The following LNX1 variants were observed in gnomAD, a reference collection of about 807,000 sequenced individuals.
LNX1 encodes the protein E3 ubiquitin-protein ligase LNX.
A neutral mutation model predicts 68.4 loss-of-function variants in LNX1; 54 were observed. The ratio of observed to expected loss-of-function variants is 0.79; its 90% CI spans 0.63 to 0.99. The LOEUF is 0.99. LNX1 is among the 50% of genes least tolerant of loss of function. The pLI is 0.00. For missense variants in LNX1, 906 were observed against 926.4 expected (o/e 0.98, Z 0.29); for synonymous variants, 336 against 350.0 (o/e 0.96, Z 0.45).
chr4:53,461,522 C>T lies in LNX1; in HGVS notation c.1964G>A (p.Gly655Glu), dbSNP rs545650658. The T allele has an allele frequency of 3.6e-5, 58 of 1,611,428 alleles. No homozygotes were observed. In the South Asian group the frequency reaches 6.3e-4, roughly 17 times the overall value. Residue 655 changes from glycine (G) to glutamate (E), a missense_variant, in exon 10 of 11, where the codon GGA (glycine) becomes GAA (glutamate). Transcript: ENST00000263925. ...TAGSLGFCIV[G>E]GYEEYNGNKP... is the part of the protein sequence containing the mutation. ...GTTTCCATTGTATTCTTCATAACCT[C>T]CTACAATGCAGAAGCCCAGACTTCC...
In LNX1 at chr4:53,501,326, T is replaced by A. The variant is rs187004406; in HGVS notation, c.776-2483A>T. Among the ~76,000 whole-genome samples, 6 of 139,386 alleles carry A rather than the reference T, an allele frequency of 4.3e-5. No individual in the cohort carries two copies. In the East Asian group the frequency reaches 1.3e-3, roughly 30 times the overall value. The allele number at this position is 139,386 out of a possible 152,430, so 91.4% of individuals were successfully genotyped here. A position where few individuals can be genotyped will look rare whatever the true frequency, so the allele number is the denominator to read the frequency against. On this transcript the variant is annotated intron_variant, in intron 4 of 10. Transcript: ENST00000263925. ...GGGGTGGGGGGACAGGATCTCACTC[T>A]GTCACCCAGGCTGGAGTATAGTGGT...
At chr4:53,568,384 A>T (rs998711938) in intron 2 of LNX1, among the ~76,000 whole-genome samples, 2 of 152,010 alleles carry the variant, frequency 1.3e-5, no homozygotes, top group African/African-American at 4.8e-5. Context: ...AAACAGAGCC[A>T]AAGACAAAAA....
chr4:53,516,352 G>T (rs1726784686), intron 2 of LNX1, among the ~76,000 whole-genome samples: 1 of 152,184 alleles, frequency 6.6e-6, no homozygotes, highest in South Asian at 2.1e-4. Context: ...CATAATGTTA[G>T]ACACTGTGGA....
At chr4:53,568,643 T>A (rs1730901442) in intron 2 of LNX1, among the ~76,000 whole-genome samples, 1 of 150,868 alleles carries the variant, frequency 6.6e-6, no homozygotes, top group Non-Finnish European at 1.5e-5. Flanking sequence ...TTCAACATAG[T>A]GTTGGAAGTT....
intron 2 of LNX1, among the ~76,000 whole-genome samples, chr4:53,609,751 A>G (rs1733400220): frequency 7.0e-6 from 1 of 143,478 alleles, no homozygotes; most frequent in Non-Finnish European, 1.5e-5. Context: ...TATATATTAT[A>G]TATAATATAC....
chr4:53,612,192 T>C (rs773792164), intron 2 of LNX1, among the ~76,000 whole-genome samples: 3 of 152,194 alleles, frequency 2.0e-5, no homozygotes, highest in Non-Finnish European at 4.4e-5. Context: ...TATGACTTTA[T>C]ACCCACCAGA....
In LNX1 at chr4:53,496,339, C is replaced by T. The variant is rs147629162; in HGVS notation, c.1034G>A (p.Arg345Gln). The change falls in exon 6 of 11, where the codon CGG becomes CAG. Residue 345 changes from arginine (R) to glutamine (Q), a missense_variant. Arg to Gln is a conservative substitution (Grantham distance 43, BLOSUM62 1). Transcript: ENST00000263925. ...VPHNYAVRLL[R>Q]QPCQVLWLTV... ...CAGCCACAGCACCTGGCAGGGCTGC[C>T]GCAGGAGACGCACAGCGTAGTTGTG... 41 of 1,614,122 alleles carry T rather than the reference C, an allele frequency of 2.5e-5. No homozygotes were observed. Among genetic ancestry groups the T allele is most frequent in the East Asian group, 1.6e-4 (7 of 44,872 alleles).
Position 53,507,440 on chromosome 4 carries a change from T to G in LNX1, c.652A>C (p.Ser218Arg). The G allele has an allele frequency of 6.2e-7, 1 of 1,614,190 alleles. No individual in the cohort carries two copies. Among genetic ancestry groups the G allele is most frequent in the Non-Finnish European group, 8.5e-7 (1 of 1,180,018 alleles). ...CGATTTATTTTTTTAAATGATCTGC[T>G]TCTAATAGTGGATCTCTCAAAGGGC... ...ARPFERSTIRSRSFKKINRAL... is the reference protein window; with the variant it reads ...ARPFERSTIRRRSFKKINRAL... The change falls in exon 4 of 11, where the codon AGC becomes CGC. Residue 218 changes from serine to arginine, a missense_variant. Transcript: ENST00000263925.
intron 2 of LNX1, among the ~76,000 whole-genome samples, chr4:53,531,220 G>C (rs143207058): frequency 9.2e-5 from 14 of 152,334 alleles, no homozygotes; most frequent in African/African-American, 2.4e-4. Context: ...CTAGCAGGAA[G>C]TGCTGTGGAC....
At chr4:53,554,217 C>T (rs535785277) in intron 2 of LNX1, among the ~76,000 whole-genome samples, 12 of 152,294 alleles carry the variant, frequency 7.9e-5, no homozygotes, top group African/African-American at 2.2e-4. Context: ...CTGTCCAGCC[C>T]GCTGCCACTG....
At chr4:53,513,694 C>T (rs1423897650) in intron 2 of LNX1, among the ~76,000 whole-genome samples, 3 of 152,338 alleles carry the variant, frequency 2.0e-5, no homozygotes, top group African/African-American at 7.2e-5. Context: ...TACTTTTCAT[C>T]ATGGCTACTG....
intron 6 of LNX1, among the ~76,000 whole-genome samples, chr4:53,495,677 G>A (rs59585683): frequency 0.27 from 41,163 of 151,720 alleles, 6,260 homozygotes; most frequent in South Asian, 0.53. Context: ...TGAGTAGCTA[G>A]GATTACAGGC....
At chr4:53,567,886 G>T (rs528849202) in intron 2 of LNX1, among the ~76,000 whole-genome samples, 6,454 of 152,088 alleles carry the variant, frequency 0.042, 193 homozygotes, top group Non-Finnish European at 0.067. Flanking sequence ...AAATAAACTA[G>T]AAAATCTAGA....
chr4:53,615,430 G>T (rs1325673893), intron 2 of LNX1, among the ~76,000 whole-genome samples: 2 of 152,166 alleles, frequency 1.3e-5, no homozygotes, highest in African/African-American at 4.8e-5. Flanking sequence ...CCTCTTGGAA[G>T]CTTGAAACTG....
At chr4:53,559,313 T>C (rs1001950312) in intron 2 of LNX1, among the ~76,000 whole-genome samples, 1 of 152,242 alleles carries the variant, frequency 6.6e-6, no homozygotes, top group Non-Finnish European at 1.5e-5. Context: ...TGGGATATAA[T>C]AATTCATGAT....
chr4:53,582,965 T>C (rs1731931225), intron 1 of LNX1, among the ~76,000 whole-genome samples: 1 of 152,178 alleles, frequency 6.6e-6, no homozygotes. Flanking sequence ...CCAGCAGGCA[T>C]GTCTGCCTAA....
chr4:53,521,992 A>T (rs1727261143), intron 2 of LNX1, among the ~76,000 whole-genome samples: 2 of 151,748 alleles, frequency 1.3e-5, no homozygotes, highest in African/African-American at 4.8e-5. Context: ...TTTTGTAGAG[A>T]CTATGTTGCC....
At chr4:53,474,644 G>A (rs1403077824) in intron 9 of LNX1, among the ~76,000 whole-genome samples, 2 of 152,164 alleles carry the variant, frequency 1.3e-5, no homozygotes, top group East Asian at 3.8e-4. Context: ...GTTACTACAG[G>A]GAGAGGATGG....
intron 1 of LNX1, among the ~76,000 whole-genome samples, chr4:53,629,472 C>A (rs1311522861): frequency 1.3e-5 from 2 of 152,204 alleles, no homozygotes; most frequent in African/African-American, 4.8e-5. Flanking sequence ...CCAGGCCCTG[C>A]CAAAGCTTGG....
Sources: gnomAD v4.1 joint callset for allele counts (sites outside exome capture counted in the v4.1 genomes callset) on GRCh38, gnomAD v4.1.1 for gene constraint, MANE v1.5 for transcripts, NCBI Gene and HGNC (gene_info 2026-07-23, HGNC 2026-07-21) for gene names.